Variants in RABL2A observed in about 807,000 individuals in gnomAD.
RABL2A encodes the protein rab-like protein 2A.
RABL2A carries 17 observed loss-of-function variants against 30.7 expected under a neutral mutation model. That is an observed-to-expected ratio of 0.55 (90% CI 0.38 to 0.83). RABL2A has a LOEUF of 0.83. Among genes scored for constraint, RABL2A ranks in the 40% least tolerant of loss-of-function variants. The pLI is 0.00. For missense variants in RABL2A, 155 were observed against 272.6 expected (o/e 0.57, Z 3.04); for synonymous variants, 64 against 101.8 (o/e 0.63, Z 2.24).
At chr2:113,638,352 G>A in intron 5 of RABL2A, 2 of 985,400 alleles carry the variant, frequency 2.0e-6, no homozygotes, top group East Asian at 2.3e-4. Context: ...CAAATAGCTG[G>A]GTGATTTAGA....
rs1163422353 is a variant in RABL2A at position 113,641,388 on chromosome 2, G to A, written c.445G>A (p.Ala149Thr). The part of the protein sequence containing the change: ...INVTQKSFNF[A>T]KKFSLPLYFV... ...CGTGACCCAAAAAAGCTTCAATTTT[G>A]CCAAGAAGTTCTCCCTGCCCCTGTA... The change falls in exon 7 of 9, where the codon GCC becomes ACC. Residue 149 changes from alanine (A) to threonine (T), a missense_variant. Around this residue, in one of 5 missense-constraint regions of RABL2A, gnomAD observed 33 missense variants for 30.7 expected, o/e 1.08. Coordinates refer to ENST00000683472, the MANE Select transcript of RABL2A (RefSeq NM_001306158.2). The A allele has an allele frequency of 6.2e-7, 1 of 1,612,718 alleles. No homozygotes were observed.
chr2:113,632,982 G>A lies in RABL2A; in HGVS notation c.137+38G>A, dbSNP rs943612159. On this transcript the variant is annotated intron_variant, in intron 3 of 8. Coordinates refer to ENST00000683472, the MANE Select transcript of RABL2A (RefSeq NM_001306158.2). ...GTTTGAAGTACTCCTTGTTCCTGTG[G>A]GTCTTCCCACGCTCATGTATCAGTG... is the stretch of plus-strand genomic sequence containing the variant. 4 of 1,613,980 alleles carry A rather than the reference G, an allele frequency of 2.5e-6. No individual in the cohort carries two copies. The African/African-American group carries it at 4.0e-5, about 16-fold the overall frequency.
rs577259704 is a variant in RABL2A, at chr2:113,629,882, C to T, written c.107+1169C>T. Among the ~76,000 whole-genome samples, 15 of 152,114 alleles carry T rather than the reference C, an allele frequency of 9.9e-5. No homozygotes were observed. In the South Asian group the frequency reaches 1.9e-3, roughly 19 times the overall value. Reference sequence around the variant, plus strand: ...GTTACTTTGACCATCCTCAACAGCACGCCTGTACAGTAAAAGTGAGGGTAG... The same window carrying T: ...GTTACTTTGACCATCCTCAACAGCATGCCTGTACAGTAAAAGTGAGGGTAG... On this transcript the variant is annotated intron_variant, in intron 2 of 8. Coordinates refer to ENST00000683472, the MANE Select transcript of RABL2A (RefSeq NM_001306158.2).
chr2:113,641,349 A>G lies in RABL2A; in HGVS notation c.410-4A>G, dbSNP rs1274789923. On this transcript the variant is annotated splice_polypyrimidine_tract_variant and splice_region_variant and intron_variant, in intron 6 of 8. Coordinates refer to ENST00000683472, the MANE Select transcript of RABL2A (RefSeq NM_001306158.2). ...CAGACCAATGTCCTACCTTCTCTCT[A>G]CAGCAGACATAAACGTGACCCAAAA... 2.5e-6 allele frequency: 4 copies of G among 1,613,388 alleles called. No homozygotes were observed. In the South Asian group the frequency reaches 3.3e-5, roughly 13 times the overall value.
At chr2:113,638,522 C>T (rs1683821674) in intron 5 of RABL2A, 1 of 985,378 alleles carries the variant, frequency 1.0e-6, no homozygotes, top group Non-Finnish European at 1.2e-6. Context: ...TTTCAGAGTT[C>T]TGCCCTTAGA....
chr2:113,632,331 A>G (rs1406657116), intron 2 of RABL2A, among the ~76,000 whole-genome samples: 3 of 152,220 alleles, frequency 2.0e-5, no homozygotes, highest in East Asian at 1.9e-4. Context: ...AAGTCTGCCT[A>G]ATTTTTTCAC....
At chr2:113,631,295 C>T (rs912881282) in intron 2 of RABL2A, among the ~76,000 whole-genome samples, 4 of 152,072 alleles carry the variant, frequency 2.6e-5, no homozygotes, top group Non-Finnish European at 5.9e-5. Flanking sequence ...TAGGGTCTTC[C>T]ATTACCGTTA....
intron 2 of RABL2A, among the ~76,000 whole-genome samples, chr2:113,632,566 G>A (rs1241427101): frequency 3.3e-5 from 5 of 152,208 alleles, no homozygotes; most frequent in Non-Finnish European, 4.4e-5. Context: ...GCGCCCGACC[G>A]GGAAATGGCT....
chr2:113,635,568 C>T (rs970570938), intron 5 of RABL2A: 69 of 271,922 alleles, frequency 2.5e-4, no homozygotes, highest in Non-Finnish European at 4.5e-4. Context: ...CCCCTCGCCT[C>T]CCCCCGAGCC....
Position 113,642,881 on chromosome 2 carries a change from C to G in RABL2A, c.*752C>G. ...CACCTCGTGATCCGCCCGCCTCGGC[C>G]TCCCAAAGTGCTGGGATTACAGGCA... is the stretch of plus-strand genomic sequence containing the variant. On this transcript the variant is annotated 3_prime_UTR_variant, in exon 9 of 9. Coordinates refer to ENST00000683472, the MANE Select transcript of RABL2A (RefSeq NM_001306158.2). 7.0e-6 allele frequency: 2 copies of G among 284,118 alleles called. No individual in the cohort carries two copies. The highest frequency in any genetic ancestry group is 5.6e-5 in the South Asian group (2 of 35,846). The allele number at this position is 284,118 out of a possible 1,614,324, so 17.6% of individuals were successfully genotyped here.
At position 113,643,010 on chromosome 2, in the gene RABL2A, C is replaced by A; in HGVS notation, c.*881C>A. On this transcript the variant is annotated 3_prime_UTR_variant, in exon 9 of 9. Coordinates refer to ENST00000683472, the MANE Select transcript of RABL2A (RefSeq NM_001306158.2). Reference sequence around the variant, plus strand: ...GTGTACCCACTCTGTTTCAGGAGCTCTTCTAGGTAAAGCTGAGATCACAGG... The same window carrying A: ...GTGTACCCACTCTGTTTCAGGAGCTATTCTAGGTAAAGCTGAGATCACAGG... 2.6e-6 allele frequency: 1 copy of A among 378,496 alleles called. No individual in the cohort carries two copies. The allele number at this position is 378,496 out of a possible 1,614,324, so 23.4% of individuals were successfully genotyped here.
Position 113,642,249 on chromosome 2 carries a change from A to G in RABL2A, c.*120A>G. On this transcript the variant is annotated 3_prime_UTR_variant, in exon 9 of 9. Transcript: ENST00000683472. ...CTCTTCTACCTCCTGCAACCCACCC[A>G]TCCTATTAGCCTCCCACATTCAAGG... The G allele has an allele frequency of 6.7e-7, 1 of 1,481,936 alleles. No homozygotes were observed. 91.8% of individuals were successfully genotyped at this position (1,481,936 alleles called of 1,614,324 possible).
chr2:113,636,535 T>C (rs573432133), intron 5 of RABL2A, among the ~76,000 whole-genome samples: 114 of 152,306 alleles, frequency 7.5e-4, no homozygotes, highest in African/African-American at 1.9e-3. Flanking sequence ...GTGGGACTTA[T>C]ATTTCCTTTT....
intron 7 of RABL2A, 82 bp downstream of exon 7, chr2:113,641,532 G>C (rs1368715040): frequency 6.2e-7 from 1 of 1,612,376 alleles, no homozygotes; most frequent in African/African-American, 1.3e-5. Flanking sequence ...GCTTACTGCA[G>C]GTGTGATGGA....
chr2:113,637,005 TAAAAA>T (rs375997102), intron 5 of RABL2A, among the ~76,000 whole-genome samples: 1 of 109,688 alleles, frequency 9.1e-6, no homozygotes, highest in East Asian at 3.3e-4. Context: ...AATAAAAAAA[TAAAAA>T]AATAAAGTCT....
rs1194055052 is a variant in RABL2A, at chr2:113,643,010, C to T, written c.*881C>T. The T allele has an allele frequency of 1.6e-5, 6 of 378,378 alleles. No homozygotes were observed. In the East Asian group the frequency reaches 4.0e-4, roughly 25 times the overall value. 23.4% of individuals were successfully genotyped at this position (378,378 alleles called of 1,614,324 possible). On this transcript the variant is annotated 3_prime_UTR_variant, in exon 9 of 9. Transcript: ENST00000683472. ...GTGTACCCACTCTGTTTCAGGAGCT[C>T]TTCTAGGTAAAGCTGAGATCACAGG...
chr2:113,636,295 T>A (rs1049913394), intron 5 of RABL2A, among the ~76,000 whole-genome samples: 3 of 151,908 alleles, frequency 2.0e-5, no homozygotes, highest in South Asian at 2.1e-4. Context: ...AAACAACCAT[T>A]TTCTGATGGA....
chr2:113,628,939 G>T (rs1679178142), intron 2 of RABL2A, among the ~76,000 whole-genome samples: 1 of 151,954 alleles, frequency 6.6e-6, no homozygotes, highest in African/African-American at 2.4e-5. Context: ...TTTCCTCTGA[G>T]CCCTGAGAGA....
rs1382991756 is a variant in RABL2A at position 113,642,699 on chromosome 2, G to C, written c.*570G>C. ...CTCTGTCGCCAGGCTGGAGTGCAGT[G>C]GCGCAGTCTCGGCTCGCTGCAACCT... On this transcript the variant is annotated 3_prime_UTR_variant, in exon 9 of 9. Transcript: ENST00000683472. 6 of 195,562 alleles carry C rather than the reference G, an allele frequency of 3.1e-5. No individual in the cohort carries two copies. Among genetic ancestry groups the C allele is most frequent in the Non-Finnish European group, 4.2e-5 (4 of 94,488 alleles). 12.1% of individuals were successfully genotyped at this position (195,562 alleles called of 1,614,324 possible). A position where few individuals can be genotyped will look rare whatever the true frequency, so the allele number is the denominator to read the frequency against.
Sources: gnomAD v4.1 joint callset for allele counts (sites outside exome capture counted in the v4.1 genomes callset) on GRCh38, gnomAD v4.1.1 for gene constraint, gnomAD v4.1.1 regional missense constraint, MANE v1.5 for transcripts, NCBI Gene and HGNC (gene_info 2026-07-23, HGNC 2026-07-21) for gene names.